Variants in SEPTIN9 observed in about 807,000 individuals in gnomAD.
The protein encoded by SEPTIN9 is septin 9.
In SEPTIN9, 13 loss-of-function variants were observed where a neutral mutation model predicts 56.6. The observed-to-expected ratio is 0.23, with a 90% CI of 0.15 to 0.37. The LOEUF is 0.37. Ranked by LOEUF, SEPTIN9 falls within the 10% of genes least tolerant of loss-of-function variation. The probability of loss-of-function intolerance (pLI) is 1.00; values close to 1 mark genes in which losing one functional copy is unlikely to be tolerated. For synonymous variants in SEPTIN9, 332 were observed against 334.1 expected (o/e 0.99, Z 0.07); for missense variants, 650 against 823.1 (o/e 0.79, Z 2.57).
chr17:77,320,360 G>GC, intron 2 of SEPTIN9: 1 of 1,610,464 alleles, frequency 6.2e-7, no homozygotes, highest in South Asian at 1.1e-5. Flanking sequence ...TACGCAGACA[G>GC]CCCCCTCCCC....
chr17:77,454,220 G>A (rs1051366974), intron 3 of SEPTIN9: 2 of 985,530 alleles, frequency 2.0e-6, no homozygotes, highest in Non-Finnish European at 1.2e-6. Context: ...CACCCTGGAG[G>A]CTCCCAGCGT....
intron 8 of SEPTIN9, among the ~76,000 whole-genome samples, chr17:77,491,873 T>C (rs312796): frequency 0.52 from 77,843 of 150,334 alleles, 21,071 homozygotes; most frequent in African/African-American, 0.68. Flanking sequence ...CGCCACCGTC[T>C]GAGGCCCCTG....
intron 1 of SEPTIN9, among the ~76,000 whole-genome samples, chr17:77,301,456 G>T (rs977386510): frequency 1.7e-4 from 24 of 145,070 alleles, no homozygotes; most frequent in African/African-American, 5.9e-4. Flanking sequence ...AAAGAGTTTC[G>T]CTCTGTCACC....
At chr17:77,491,987 C>G (rs949375357) in intron 8 of SEPTIN9, among the ~76,000 whole-genome samples, 20 of 151,852 alleles carry the variant, frequency 1.3e-4, no homozygotes, top group African/African-American at 4.8e-4. Flanking sequence ...AAAATGAAAC[C>G]GAGGTGCCTG....
At chr17:77,283,178 T>TAAAAA (rs1417341063) in intron 1 of SEPTIN9, among the ~76,000 whole-genome samples, 1 of 146,970 alleles carries the variant, frequency 6.8e-6, no homozygotes, top group African/African-American at 2.6e-5. Flanking sequence ...TTTTTTTTTT[T>TAAAAA]AAAAAAAAGG....
intron 1 of SEPTIN9, among the ~76,000 whole-genome samples, chr17:77,285,545 G>A (rs1229793539): frequency 1.3e-5 from 2 of 152,098 alleles, no homozygotes; most frequent in Non-Finnish European, 2.9e-5. Context: ...TTACAGGCAT[G>A]TGCCACCGTG....
intron 2 of SEPTIN9, among the ~76,000 whole-genome samples, chr17:77,332,169 C>G (rs187745043): frequency 6.6e-6 from 1 of 151,992 alleles, no homozygotes; most frequent in Non-Finnish European, 1.5e-5. Flanking sequence ...CCCAGCTACT[C>G]GGAAGGTTGA....
intron 2 of SEPTIN9, among the ~76,000 whole-genome samples, chr17:77,356,187 C>G (rs980624260): frequency 2.6e-5 from 4 of 152,112 alleles, no homozygotes; most frequent in African/African-American, 9.7e-5. Flanking sequence ...GTCTCAGCCT[C>G]ATTCATTTCT....
chr17:77,284,249 G>A (rs567623336), intron 1 of SEPTIN9, among the ~76,000 whole-genome samples: 14 of 152,296 alleles, frequency 9.2e-5, no homozygotes, highest in African/African-American at 2.9e-4. Flanking sequence ...CTGTGACAGC[G>A]CCTGGAAATA....
chr17:77,411,711 G>A (rs1396398500), intron 3 of SEPTIN9, among the ~76,000 whole-genome samples: 6 of 152,108 alleles, frequency 3.9e-5, no homozygotes, highest in Non-Finnish European at 8.8e-5. Context: ...CCATGGCCCT[G>A]CCAGGCTTGT....
At chr17:77,442,814 A>G (rs957585393) in intron 3 of SEPTIN9, among the ~76,000 whole-genome samples, 1 of 152,120 alleles carries the variant, frequency 6.6e-6, no homozygotes, top group Non-Finnish European at 1.5e-5. Context: ...CGGAGGTTGC[A>G]GTGAGCTGAG....
rs919461071 is a variant in SEPTIN9, at chr17:77,389,131, G to A, written c.77-12928G>A. ...CTTCCCATCCATGGGAAGAAGCACC[G>A]AGCAGCCTTGCTGGCTCCTCGCAGG... On this transcript the variant is annotated intron_variant, in intron 2 of 11. Coordinates refer to ENST00000427177, the MANE Select transcript of SEPTIN9 (RefSeq NM_001113491.2). The surrounding 1 kb of genome is among the most constrained non-coding windows in gnomAD (Gnocchi z 4.3). Among the ~76,000 whole-genome samples, 2 of 152,174 alleles carry A rather than the reference G, an allele frequency of 1.3e-5. No homozygotes were observed. The highest frequency in any genetic ancestry group is 2.4e-5 in the African/African-American group (1 of 41,448).
intron 2 of SEPTIN9, among the ~76,000 whole-genome samples, chr17:77,339,645 G>A (rs1031520537): frequency 6.6e-6 from 1 of 151,894 alleles, no homozygotes; most frequent in African/African-American, 2.4e-5. Context: ...GAGTAGTTGG[G>A]ATTACAGGCA....
intron 3 of SEPTIN9, among the ~76,000 whole-genome samples, chr17:77,473,527 G>A (rs962406330): frequency 1.3e-5 from 2 of 152,018 alleles, no homozygotes; most frequent in East Asian, 1.9e-4. Context: ...TGGGATCCAC[G>A]GGCCTAGGGA....
At chr17:77,300,340 ATTGACT>A (rs67802951) in intron 1 of SEPTIN9, among the ~76,000 whole-genome samples, 67,801 of 151,298 alleles carry the variant, frequency 0.45, 17,174 homozygotes, top group East Asian at 0.71. Context: ...GGATGAATAA[ATTGACT>A]TTGATCCACA....
chr17:77,484,089 C>A (rs2039566830), intron 4 of SEPTIN9: 1 of 152,470 alleles, frequency 6.6e-6, no homozygotes, highest in Non-Finnish European at 1.5e-5. Context: ...ATGGGATCAT[C>A]CCATAAAGTG....
At chr17:77,379,799 G>C (rs11658815) in intron 2 of SEPTIN9, among the ~76,000 whole-genome samples, 1 of 151,572 alleles carries the variant, frequency 6.6e-6, no homozygotes, top group Non-Finnish European at 1.5e-5. Context: ...CCCCTCCCCC[G>C]ACTTTTTCTT....
At chr17:77,288,422 A>G (rs2031373950) in intron 1 of SEPTIN9, among the ~76,000 whole-genome samples, 1 of 152,212 alleles carries the variant, frequency 6.6e-6, no homozygotes, top group African/African-American at 2.4e-5. Context: ...AGATGGGAGC[A>G]GCAGCATTGC....
In SEPTIN9 at chr17:77,319,222, C is replaced by T. The variant is rs771891527; in HGVS notation, c.76+12025C>T. ...ACAGAGAGGATGCCCCTGATTCCCA[C>T]CCCAGGGACCCACATTGTAAACCCC... On this transcript the variant is annotated intron_variant, in intron 2 of 11. Coordinates refer to ENST00000427177, the MANE Select transcript of SEPTIN9 (RefSeq NM_001113491.2). The surrounding 1 kb of genome is among the most constrained non-coding windows in gnomAD (Gnocchi z 5.3). 6.6e-6 allele frequency among the ~76,000 whole-genome samples: 1 copy of T among 152,220 alleles called. No individual in the cohort carries two copies. The highest frequency in any genetic ancestry group is 1.5e-5 in the Non-Finnish European group (1 of 68,042).
Sources: allele counts gnomAD v4.1 joint callset (sites outside exome capture counted in the v4.1 genomes callset), GRCh38; gene constraint gnomAD v4.1.1; non-coding constraint Gnocchi (gnomAD v3.1); transcripts MANE v1.5; gene names NCBI Gene and HGNC (gene_info 2026-07-23, HGNC 2026-07-21).